GRXCR2: variants seen among roughly 807,000 people sequenced by gnomAD.
GRXCR2 encodes the protein glutaredoxin domain-containing cysteine-rich protein 2.
Under a neutral mutation model 24.8 loss-of-function variants are expected in GRXCR2, and 23 were observed. That is an observed-to-expected ratio of 0.93 (90% CI 0.67 to 1.32). The LOEUF (loss-of-function observed/expected upper bound fraction) is 1.32, where lower values mean the gene tolerates loss of function less well. Ranked by LOEUF, GRXCR2 falls within the 40% of genes most tolerant of loss-of-function variation. GRXCR2 has a pLI of 0.00. For missense variants in GRXCR2, 315 were observed against 303.4 expected, an observed-to-expected ratio of 1.04 and a Z score of -0.28; for synonymous variants, 130 against 116.1, an observed-to-expected ratio of 1.12 and a Z score of -0.77.
At chr5:145,863,319 T>C (rs1292925645) in intron 2 of GRXCR2, among the ~76,000 whole-genome samples, 1 of 152,190 alleles carries the variant, frequency 6.6e-6, no homozygotes, top group African/African-American at 2.4e-5. Context: ...GGCAAACAAA[T>C]AGCAATTTAA....
At chr5:145,904,320 C>A (rs1757062587) in intron 2 of GRXCR2, among the ~76,000 whole-genome samples, 1 of 152,234 alleles carries the variant, frequency 6.6e-6, no homozygotes, top group South Asian at 2.1e-4. Context: ...GAGTAGGGCC[C>A]ACAGTAACCC....
chr5:145,892,034 G>C (rs1363545182), intron 2 of GRXCR2, among the ~76,000 whole-genome samples: 1 of 152,106 alleles, frequency 6.6e-6, no homozygotes, highest in Non-Finnish European at 1.5e-5. Flanking sequence ...GTCTGGAGTG[G>C]ACCTCCAGCA....
upstream of GRXCR2, chr5:145,873,032 GA>G: frequency 7.5e-7 from 1 of 1,341,568 alleles, no homozygotes; most frequent in Admixed American, 2.0e-5. Context: ...GGGCCTCTGA[GA>G]AAAAGGCATT....
At chr5:145,912,982 TC>T (rs1317719540) in intron 2 of GRXCR2, among the ~76,000 whole-genome samples, 2 of 152,252 alleles carry the variant, frequency 1.3e-5, no homozygotes, top group African/African-American at 2.4e-5. Context: ...GTAACCCTGG[TC>T]AAATGGATTG....
chr5:145,894,286 A>T lies in GRXCR2; in HGVS notation c.-69-27558T>A, dbSNP rs549127339. On this transcript the variant is annotated intron_variant, in intron 2 of 3. Coordinates refer to the GRXCR2 transcript ENST00000639411. The stretch of plus-strand genomic sequence containing the variant: ...GAAGGCAAGAAATAACTAAGATCAG[A>T]GCAGAAGTGAAGGAAATAGAGACAC... Among the ~76,000 whole-genome samples the T allele has an allele frequency of 2.0e-5, 3 of 152,336 alleles. No individual in the cohort carries two copies. In the East Asian group the frequency reaches 5.8e-4, roughly 29 times the overall value.
intron 2 of GRXCR2, among the ~76,000 whole-genome samples, chr5:145,917,286 C>T (rs1206604847): frequency 6.6e-6 from 1 of 151,614 alleles, no homozygotes; most frequent in African/African-American, 2.4e-5. Flanking sequence ...AATTCTTGTT[C>T]TTCTTTCTCA....
chr5:145,895,125 G>A (rs1450486652), intron 2 of GRXCR2, among the ~76,000 whole-genome samples: 2 of 151,974 alleles, frequency 1.3e-5, no homozygotes, highest in Non-Finnish European at 2.9e-5. Context: ...GTTATTGATG[G>A]GACGTATCTC....
At chr5:145,905,208 T>A (rs1277749463) in intron 2 of GRXCR2, among the ~76,000 whole-genome samples, 1 of 152,232 alleles carries the variant, frequency 6.6e-6, no homozygotes, top group African/African-American at 2.4e-5. Flanking sequence ...GGATCTGAAT[T>A]CAATTCTTAT....
At chr5:145,918,493 G>A (rs1010303799) in intron 2 of GRXCR2, among the ~76,000 whole-genome samples, 7 of 152,350 alleles carry the variant, frequency 4.6e-5, no homozygotes, top group African/African-American at 9.6e-5. Context: ...GAAGGACTGA[G>A]AGTTCTCACA....
chr5:145,866,525 TG>T lies in GRXCR2; in HGVS notation c.539del (p.Thr180AsnfsTer51). 2.5e-6 allele frequency: 4 copies of T among 1,614,056 alleles called. No individual in the cohort carries two copies. The highest frequency in any genetic ancestry group is 2.5e-6 in the Non-Finnish European group (3 of 1,179,928). On this transcript the variant is annotated frameshift_variant, in exon 2 of 3. Transcript: ENST00000377976. LOFTEE classifies it high-confidence loss of function. ...HDRPLVEAES[T>X]LPQNRYTQEG... The stretch of plus-strand genomic sequence containing the variant: ...CCTGTGTATACCGGTTTTGGGGTAA[TG>T]TGCTTTCTGCCTCCACCAAAGGTCT...
chr5:145,904,680 G>A (rs2149923541), intron 2 of GRXCR2, among the ~76,000 whole-genome samples: 1 of 152,334 alleles, frequency 6.6e-6, no homozygotes, highest in Non-Finnish European at 1.5e-5. Context: ...TCAGATGCTG[G>A]CCTGATGTTT....
intron 2 of GRXCR2, among the ~76,000 whole-genome samples, chr5:145,914,951 C>T (rs757269721): frequency 1.4e-4 from 21 of 152,296 alleles, no homozygotes; most frequent in South Asian, 4.1e-4. Context: ...CAAAGAGAGG[C>T]GTGGGGACTT....
chr5:145,864,848 A>G lies in GRXCR2; in HGVS notation c.564+1653T>C, dbSNP rs573676381. On this transcript the variant is annotated intron_variant, in intron 2 of 2. Coordinates refer to ENST00000377976, the MANE Select transcript of GRXCR2 (RefSeq NM_001080516.2). ...GGGTGACCTAATCAGATTACATTTAAAAATATCTTTTTGAGTGTGGGGGCA... is the reference window on the plus strand; with the variant it reads ...GGGTGACCTAATCAGATTACATTTAGAAATATCTTTTTGAGTGTGGGGGCA... Among the ~76,000 whole-genome samples, 3 of 152,262 alleles carry G rather than the reference A, an allele frequency of 2.0e-5. No homozygotes were observed. The South Asian group carries it at 6.2e-4, about 32-fold the overall frequency.
Position 145,917,931 on chromosome 5 carries a change from C to A in GRXCR2, c.-70+17770G>T, listed in dbSNP as rs112670150. On this transcript the variant is annotated intron_variant, in intron 2 of 3. Coordinates refer to the GRXCR2 transcript ENST00000639411. ...AGTAGCTGGGACTACAGGTGCCCAC[C>A]ACCATGCACAGCTAATTTTTGTATT... is the stretch of plus-strand genomic sequence containing the variant. 4.4e-3 allele frequency among the ~76,000 whole-genome samples: 673 copies of A among 152,302 alleles called. 7 individuals are homozygous for A. The highest frequency in any genetic ancestry group is 0.015 in the African/African-American group (636 of 41,566).
intron 2 of GRXCR2, among the ~76,000 whole-genome samples, chr5:145,894,957 C>T (rs1756926850): frequency 6.6e-6 from 1 of 152,126 alleles, no homozygotes; most frequent in Non-Finnish European, 1.5e-5. Flanking sequence ...CGTCTTCATC[C>T]CTGGGATGCA....
At chr5:145,892,110 A>T (rs1443390609) in intron 2 of GRXCR2, among the ~76,000 whole-genome samples, 3 of 152,184 alleles carry the variant, frequency 2.0e-5, no homozygotes, top group Non-Finnish European at 2.9e-5. Flanking sequence ...CAGAAAGGAC[A>T]TCCACACCAA....
At chr5:145,929,223 A>ATATATATATATATATATATATATATATC (rs926767823) in intron 2 of GRXCR2, among the ~76,000 whole-genome samples, 1 of 142,916 alleles carries the variant, frequency 7.0e-6, no homozygotes, top group Admixed American at 7.1e-5. Context: ...ATATATATAT[A>ATATATATATATATATATATATATATATC]TCACCATTTA....
chr5:145,866,517 T>C lies in GRXCR2; in HGVS notation c.548A>G (p.Gln183Arg). ...CCAACGCACCTGTGTATACCGGTTT[T>C]GGGGTAATGTGCTTTCTGCCTCCAC... Reference protein sequence around the residue: ...PLVEAESTLPQNRYTQEGDIP... With the variant: ...PLVEAESTLPRNRYTQEGDIP... Residue 183 changes from glutamine to arginine, a missense_variant, in exon 2 of 3, where the codon CAA becomes CGA. Gln to Arg is a conservative substitution (Grantham distance 43, BLOSUM62 1). Coordinates refer to ENST00000377976, the MANE Select transcript of GRXCR2 (RefSeq NM_001080516.2). 2 of 1,613,822 alleles carry C rather than the reference T, an allele frequency of 1.2e-6. No homozygotes were observed. Among genetic ancestry groups the C allele is most frequent in the Non-Finnish European group, 1.7e-6 (2 of 1,179,742 alleles).
chr5:145,921,934 A>G (rs1017858507), intron 2 of GRXCR2, among the ~76,000 whole-genome samples: 1 of 152,190 alleles, frequency 6.6e-6, no homozygotes, highest in Non-Finnish European at 1.5e-5. Context: ...TTAAATCTTA[A>G]TTTATAGATT....
Sources: allele counts gnomAD v4.1 joint callset (sites outside exome capture counted in the v4.1 genomes callset), GRCh38; gene constraint gnomAD v4.1.1; transcripts MANE v1.5; gene names NCBI Gene and HGNC (gene_info 2026-07-23, HGNC 2026-07-21).